The following FRMD5 variants were observed in gnomAD, a reference collection of about 807,000 sequenced individuals.
FRMD5 encodes the protein FERM domain-containing protein 5.
In FRMD5, 20 loss-of-function variants were observed where a neutral mutation model predicts 69.0. The ratio of observed to expected loss-of-function variants is 0.29; its 90% CI spans 0.20 to 0.42. FRMD5 has a LOEUF of 0.42. FRMD5 is among the 10% of genes least tolerant of loss of function. FRMD5 has a pLI of 1.00. For missense variants in FRMD5, 595 were observed against 708.6 expected (o/e 0.84, Z 1.82); for synonymous variants, 271 against 260.1 (o/e 1.04, Z -0.40).
At chr15:44,152,654 G>T (rs1336650013) in intron 1 of FRMD5, among the ~76,000 whole-genome samples, 1 of 152,000 alleles carries the variant, frequency 6.6e-6, no homozygotes, top group African/African-American at 2.4e-5. Flanking sequence ...TAACCACTCT[G>T]GTGGATGTCT....
rs77819121 is a variant in FRMD5 at position 43,920,431 on chromosome 15, T to C, written c.208-622A>G. 2.6e-3 allele frequency among the ~76,000 whole-genome samples: 394 copies of C among 152,304 alleles called. 12 individuals are homozygous for C. In the East Asian group the frequency reaches 0.066, roughly 25 times the overall value. On this transcript the variant is annotated intron_variant, in intron 2 of 13. Transcript: ENST00000417257. Reference sequence around the variant, plus strand: ...GTTTTAAAATCTAAATCTCAAATGATAACTAACCACAACCAACGTGTAGGA... The same window carrying C: ...GTTTTAAAATCTAAATCTCAAATGACAACTAACCACAACCAACGTGTAGGA...
intron 1 of FRMD5, among the ~76,000 whole-genome samples, chr15:44,073,622 T>C (rs1007650156): frequency 6.6e-6 from 1 of 152,160 alleles, no homozygotes; most frequent in Non-Finnish European, 1.5e-5. Flanking sequence ...TTGGTTTTCT[T>C]TATAGGCCTT....
chr15:44,081,123 T>C (rs1181461619), intron 1 of FRMD5, among the ~76,000 whole-genome samples: 1 of 152,070 alleles, frequency 6.6e-6, no homozygotes, highest in African/African-American at 2.4e-5. Context: ...AGGAAGGATA[T>C]TCCCTCCTTC....
chr15:44,054,696 A>G (rs1892798680), intron 1 of FRMD5, among the ~76,000 whole-genome samples: 2 of 152,184 alleles, frequency 1.3e-5, no homozygotes, highest in African/African-American at 4.8e-5. Flanking sequence ...TCTTTGGGAT[A>G]AAACTGTGAG....
intron 1 of FRMD5, among the ~76,000 whole-genome samples, chr15:44,005,199 A>T (rs1490290187): frequency 6.6e-6 from 1 of 152,138 alleles, no homozygotes; most frequent in Non-Finnish European, 1.5e-5. Flanking sequence ...GAAATACCTG[A>T]GGCTGGGTGT....
rs549432020 is a variant in FRMD5, at chr15:43,980,821, T to C, written c.103-56512A>G. ...GCCAGACACAGTGGGTTGTGGGTGC[T>C]GCTCATTTTTGTGTATTCATTATAC... On this transcript the variant is annotated intron_variant, in intron 1 of 13. Transcript: ENST00000417257. 5.3e-5 allele frequency among the ~76,000 whole-genome samples: 8 copies of C among 152,324 alleles called. No homozygotes were observed. The South Asian group carries it at 1.7e-3, about 32-fold the overall frequency.
chr15:44,044,680 G>GC, intron 1 of FRMD5, among the ~76,000 whole-genome samples: 1 of 151,664 alleles, frequency 6.6e-6, no homozygotes, highest in South Asian at 2.1e-4. Flanking sequence ...ATCAAACACC[G>GC]CATGTTCTCA....
At chr15:43,953,631 T>C (rs2090071164) in intron 1 of FRMD5, among the ~76,000 whole-genome samples, 1 of 152,210 alleles carries the variant, frequency 6.6e-6, no homozygotes, top group Non-Finnish European at 1.5e-5. Context: ...TTACCACAGC[T>C]ATCCCTCACA....
intron 1 of FRMD5, among the ~76,000 whole-genome samples, chr15:43,968,499 G>A (rs868222580): frequency 2.0e-5 from 3 of 152,034 alleles, no homozygotes; most frequent in African/African-American, 4.8e-5. Flanking sequence ...GAAATGAAAA[G>A]TGAAATATAT....
chr15:43,984,879 G>C lies in FRMD5; in HGVS notation c.103-60570C>G, dbSNP rs185358396. ...TACACCTGTAATCCCAGCTACTCGG[G>C]AGGCTGAGGTGGGAGAATCGCTTGA... On this transcript the variant is annotated intron_variant, in intron 1 of 13. Transcript: ENST00000417257. 2.5e-3 allele frequency among the ~76,000 whole-genome samples: 383 copies of C among 152,192 alleles called. 3 individuals are homozygous for C. Among genetic ancestry groups the C allele is most frequent in the African/African-American group, 8.8e-3 (365 of 41,514 alleles).
At chr15:43,875,817 T>TTTTTG in intron 13 of FRMD5, 2 of 377,436 alleles carry the variant, frequency 5.3e-6, no homozygotes, top group African/African-American at 2.2e-5. Flanking sequence ...TTTTTTTTTT[T>TTTTTG]TTTTTTTTTT....
intron 1 of FRMD5, among the ~76,000 whole-genome samples, chr15:43,955,723 A>C (rs1034127060): frequency 3.9e-5 from 6 of 152,302 alleles, no homozygotes; most frequent in Admixed American, 3.3e-4. Flanking sequence ...CCTCCAATAA[A>C]AGAACAAATT....
intron 1 of FRMD5, among the ~76,000 whole-genome samples, chr15:44,023,797 A>T (rs1007532579): frequency 1.3e-5 from 2 of 152,214 alleles, no homozygotes; most frequent in Non-Finnish European, 2.9e-5. Flanking sequence ...TCAGGTTATT[A>T]ACTGATTATA....
chr15:43,993,291 C>T (rs1248031813), intron 1 of FRMD5, among the ~76,000 whole-genome samples: 1 of 152,182 alleles, frequency 6.6e-6, no homozygotes, highest in African/African-American at 2.4e-5. Flanking sequence ...CTCCCAGGTT[C>T]AAGCAATTCT....
chr15:43,951,582 AATT>A (rs1276799435), intron 1 of FRMD5, among the ~76,000 whole-genome samples: 1 of 152,216 alleles, frequency 6.6e-6, no homozygotes. Context: ...TGCTCTGGAT[AATT>A]AAGAATGGAT....
At chr15:44,094,929 T>C (rs2076528895) in intron 1 of FRMD5, among the ~76,000 whole-genome samples, 1 of 152,148 alleles carries the variant, frequency 6.6e-6, no homozygotes, top group South Asian at 2.1e-4. Flanking sequence ...ACAAAATTAT[T>C]ATATCCATGG....
chr15:44,123,107 G>A (rs915258015), intron 1 of FRMD5, among the ~76,000 whole-genome samples: 1 of 152,022 alleles, frequency 6.6e-6, no homozygotes, highest in Non-Finnish European at 1.5e-5. Context: ...CACTTTGGGA[G>A]GCCAAGGTGG....
chr15:43,928,198 A>G (rs11070414), intron 1 of FRMD5, among the ~76,000 whole-genome samples: 40,693 of 152,090 alleles, frequency 0.27, 10,168 homozygotes, highest in African/African-American at 0.66. Flanking sequence ...TCAAGTTCCC[A>G]TTTACCAGTT....
chr15:44,162,463 C>A (rs528769814), intron 1 of FRMD5, among the ~76,000 whole-genome samples: 12 of 152,048 alleles, frequency 7.9e-5, no homozygotes, highest in Non-Finnish European at 1.6e-4. Context: ...GCATTTCCTC[C>A]CTTTGCTAGC....
Sources: allele counts gnomAD v4.1 joint callset (sites outside exome capture counted in the v4.1 genomes callset), GRCh38; gene constraint gnomAD v4.1.1; transcripts MANE v1.5; gene names NCBI Gene and HGNC (gene_info 2026-07-23, HGNC 2026-07-21).